The following SMC6 variants were observed in gnomAD, a reference collection of about 807,000 sequenced individuals.
SMC6 encodes structural maintenance of chromosomes protein 6.
Under a neutral mutation model 142.2 loss-of-function variants are expected in SMC6, and 79 were observed. The ratio of observed to expected loss-of-function variants is 0.56; its 90% CI spans 0.46 to 0.67. The LOEUF is 0.67. Ranked by LOEUF, SMC6 falls within the 30% of genes least tolerant of loss-of-function variation. The pLI is 0.00. For missense variants in SMC6, 1,072 were observed against 1,284.0 expected (o/e 0.83, Z 2.52); for synonymous variants, 411 against 412.4 (o/e 1.00, Z 0.04).
chr2:17,705,339 G>A (rs750611800), intron 18 of SMC6, among the ~76,000 whole-genome samples: 3 of 151,960 alleles, frequency 2.0e-5, no homozygotes, highest in Non-Finnish European at 4.4e-5. Context: ...CACTTTAGGA[G>A]GTGGAGGTGG....
chr2:17,681,426 T>C (rs1225925315), intron 24 of SMC6: 1 of 152,358 alleles, frequency 6.6e-6, no homozygotes, highest in Non-Finnish European at 1.5e-5. Context: ...ACAAGAGGTC[T>C]AGCTTTTGGC....
intron 26 of SMC6, among the ~76,000 whole-genome samples, chr2:17,667,883 T>C (rs1666574489): frequency 6.6e-6 from 1 of 152,080 alleles, no homozygotes; most frequent in Non-Finnish European, 1.5e-5. Context: ...AAAATAAAAC[T>C]GTATGTGGCA....
intron 20 of SMC6, among the ~76,000 whole-genome samples, chr2:17,701,065 A>C (rs974876339): frequency 7.2e-6 from 1 of 138,178 alleles, no homozygotes; most frequent in Non-Finnish European, 1.6e-5. Context: ...AATAATAATA[A>C]TAATACAAAA....
intron 23 of SMC6, among the ~76,000 whole-genome samples, chr2:17,691,434 A>C (rs1019905313): frequency 7.9e-6 from 1 of 126,504 alleles, no homozygotes; most frequent in Non-Finnish European, 1.7e-5. Context: ...GGCTATTGTG[A>C]ATAGTTGCCG....
intron 9 of SMC6, among the ~76,000 whole-genome samples, chr2:17,724,620 G>GGAAT (rs1404881149): frequency 2.6e-5 from 4 of 152,182 alleles, no homozygotes; most frequent in African/African-American, 9.7e-5. Flanking sequence ...TGGATCTTCA[G>GGAAT]GAATCTGAAG....
At chr2:17,683,846 G>T in intron 23 of SMC6, 83 bp from the exon 24 acceptor site, 2 of 1,309,778 alleles carry the variant, frequency 1.5e-6, no homozygotes, top group Non-Finnish European at 2.2e-6. Context: ...ATTTAACTGG[G>T]AAGAACAGGG....
intron 16 of SMC6, among the ~76,000 whole-genome samples, chr2:17,709,508 G>A (rs570609940): frequency 7.2e-5 from 11 of 152,272 alleles, no homozygotes; most frequent in African/African-American, 2.6e-4. Flanking sequence ...AAAGATGGTG[G>A]TAGCATTCTT....
chr2:17,697,719 G>A (rs1232466389), intron 21 of SMC6, among the ~76,000 whole-genome samples: 2 of 152,106 alleles, frequency 1.3e-5, no homozygotes, highest in African/African-American at 4.8e-5. Context: ...AGGATGTGGA[G>A]AAATTGGGAC....
At chr2:17,681,615 G>A (rs1013392472) in intron 24 of SMC6, 10 of 152,244 alleles carry the variant, frequency 6.6e-5, no homozygotes, top group African/African-American at 2.2e-4. Context: ...CAAGGGGACA[G>A]AGAGATGAGG....
intron 23 of SMC6, among the ~76,000 whole-genome samples, chr2:17,692,239 C>T (rs1348780068): frequency 6.6e-6 from 1 of 152,110 alleles, no homozygotes; most frequent in African/African-American, 2.4e-5. Flanking sequence ...AAAGAGCCCG[C>T]GTTGCCAAGT....
At chr2:17,734,809 G>A (rs1157361159) in intron 5 of SMC6, among the ~76,000 whole-genome samples, 1 of 152,064 alleles carries the variant, frequency 6.6e-6, no homozygotes, top group East Asian at 1.9e-4. Context: ...TCGGCTCACT[G>A]CAATCTCCGC....
At chr2:17,740,835 G>A in intron 4 of SMC6, 1 of 258,796 alleles carries the variant, frequency 3.9e-6, no homozygotes, top group Non-Finnish European at 7.9e-6. Context: ...GGGCGATAGA[G>A]GGAGACTCTG....
intron 25 of SMC6, among the ~76,000 whole-genome samples, chr2:17,671,592 G>C (rs954664949): frequency 4.6e-5 from 5 of 109,008 alleles, no homozygotes; most frequent in Admixed American, 1.3e-4. Context: ...CTGGTCGACA[G>C]AGCGAGACCC....
At chr2:17,711,298 G>C (rs1668814198) in intron 16 of SMC6, among the ~76,000 whole-genome samples, 1 of 152,150 alleles carries the variant, frequency 6.6e-6, no homozygotes, top group African/African-American at 2.4e-5. Flanking sequence ...TACAATATTA[G>C]TCTAGCAGAG....
In SMC6 at chr2:17,741,634, G is replaced by A. The variant is rs146676605; in HGVS notation, c.216C>T (p.Asn72=). 3 of 1,609,624 alleles carry A rather than the reference G, an allele frequency of 1.9e-6. No homozygotes were observed. The highest frequency in any genetic ancestry group is 1.3e-5 in the African/African-American group (1 of 74,746). Residue 72 remains asparagine (N), a synonymous_variant, in exon 4 of 28, where the codon AAC becomes AAT. Transcript: ENST00000448223. ...LGPFKFGSNV[N]FVVGNNGSGK... is the part of the protein sequence containing the mutation. ...TACTTCCATTGTTGCCAACAACAAA[G>A]TTGACATTAGAACCAAACTTAAAAG...
chr2:17,715,147 T>C lies in SMC6; in HGVS notation c.1526-82A>G, dbSNP rs149148942. ...CATCCTCCTCTTTAATTATAGCATATAAATGACTTATATTTTTATATAAAG... is the reference window on the plus strand; with the variant it reads ...CATCCTCCTCTTTAATTATAGCATACAAATGACTTATATTTTTATATAAAG... On this transcript the variant is annotated intron_variant, in intron 15 of 27. Transcript: ENST00000448223. The C allele has an allele frequency of 4.1e-4, 524 of 1,269,512 alleles. 3 individuals are homozygous for C. In the East Asian group the frequency reaches 7.9e-3, roughly 19 times the overall value. The allele number at this position is 1,269,512 out of a possible 1,614,324, so 78.6% of individuals were successfully genotyped here.
rs576401631 is a variant in SMC6 at position 17,701,507 on chromosome 2, T to C, written c.2223+322A>G. Among the ~76,000 whole-genome samples the C allele has an allele frequency of 1.5e-3, 235 of 152,286 alleles. 1 individual carries two copies. The highest frequency in any genetic ancestry group is 5.3e-3 in the African/African-American group (222 of 41,572). On this transcript the variant is annotated intron_variant, in intron 20 of 27. Transcript: ENST00000448223. ...TATTGATACTGCTGAACTCTGAGAG[T>C]GCCTATGTGAAAAACACTATGCTCA... is the stretch of plus-strand genomic sequence containing the variant.
intron 2 of SMC6, among the ~76,000 whole-genome samples, chr2:17,747,996 C>T (rs1670841901): frequency 6.6e-6 from 1 of 152,190 alleles, no homozygotes; most frequent in Non-Finnish European, 1.5e-5. Flanking sequence ...TTGCAAGAGT[C>T]TCATGGATTC....
intron 7 of SMC6, 126 bp from the exon 8 acceptor site, chr2:17,726,595 A>C: frequency 1.6e-6 from 1 of 642,608 alleles, no homozygotes; most frequent in Non-Finnish European, 2.7e-6. Flanking sequence ...GCCAAAGGTT[A>C]TAACGTTAGG....
Sources: gnomAD v4.1 joint callset for allele counts (sites outside exome capture counted in the v4.1 genomes callset) on GRCh38, gnomAD v4.1.1 for gene constraint, MANE v1.5 for transcripts, NCBI Gene and HGNC (gene_info 2026-07-23, HGNC 2026-07-21) for gene names.